DAAM2: variants seen among roughly 807,000 people sequenced by gnomAD.
The protein encoded by DAAM2 is dishevelled associated activator of morphogenesis 2.
Under a neutral mutation model 120.7 loss-of-function variants are expected in DAAM2, and 39 were observed. The observed-to-expected ratio is 0.32, with a 90% CI of 0.25 to 0.42. The LOEUF (loss-of-function observed/expected upper bound fraction) is 0.42, where lower values mean the gene tolerates loss of function less well. DAAM2 is among the 10% of genes least tolerant of loss of function. DAAM2 has a pLI of 1.00. For synonymous variants in DAAM2, 488 were observed against 524.9 expected, an observed-to-expected ratio of 0.93 and a Z score of 0.96; for missense variants, 1,283 against 1,401.7, an observed-to-expected ratio of 0.92 and a Z score of 1.35.
In DAAM2 at chr6:39,902,576, A is replaced by C. The variant is rs1562071350; in HGVS notation, c.*539A>C. The C allele has an allele frequency of 6.6e-6, 1 of 152,406 alleles. No individual in the cohort carries two copies. Among genetic ancestry groups the C allele is most frequent in the Non-Finnish European group, 1.5e-5 (1 of 68,222 alleles). 9.4% of individuals were successfully genotyped at this position (152,406 alleles called of 1,614,324 possible). A position where few individuals can be genotyped will look rare whatever the true frequency, so the allele number is the denominator to read the frequency against. On this transcript the variant is annotated 3_prime_UTR_variant, in exon 25 of 25. Coordinates refer to ENST00000274867, the MANE Select transcript of DAAM2 (RefSeq NM_001201427.2). ...AGGAGGCATTATATATTCTAGTTAG[A>C]TCAGCTCTGGTAGGTTCCAGAGAAC...
In DAAM2 at chr6:39,875,352, C is replaced by T. The variant is rs1352922639; in HGVS notation, c.1185C>T (p.Phe395=). 1 of 1,613,890 alleles carries T rather than the reference C, an allele frequency of 6.2e-7. No homozygotes were observed. The highest frequency in any genetic ancestry group is 1.3e-5 in the African/African-American group (1 of 75,042). The change falls in exon 11 of 25, where the codon TTC becomes TTT. Residue 395 remains phenylalanine, a synonymous_variant. Coordinates refer to ENST00000274867, the MANE Select transcript of DAAM2 (RefSeq NM_001201427.2). ...CAGACAAACGGAACGGTGGCTACTT[C>T]CAGCAGTGGCAGCTCCTGGACCGCA... ...QMPYKRNGGY[F]QQWQLLDRIL... is the part of the protein sequence containing the mutation.
intron 1 of DAAM2, among the ~76,000 whole-genome samples, chr6:39,848,042 G>A (rs1156657449): frequency 6.6e-6 from 1 of 152,128 alleles, no homozygotes; most frequent in Non-Finnish European, 1.5e-5. Flanking sequence ...CTGTCGTTGT[G>A]CCAGGTTCTC....
At position 39,898,393 on chromosome 6, in the gene DAAM2, G is replaced by A. The variant is rs929413163; in HGVS notation, c.2619-484G>A. Among the ~76,000 whole-genome samples the A allele has an allele frequency of 2.0e-5, 3 of 152,170 alleles. No homozygotes were observed. The South Asian group carries it at 6.2e-4, about 32-fold the overall frequency. ...CCATGCCCTACAATGGATGGTCCAA[G>A]GAAATGTGGGTGGGGCACCAACAGC... On this transcript the variant is annotated intron_variant, in intron 21 of 24. Transcript: ENST00000274867.
chr6:39,804,351 G>A (rs533337714), intron 1 of DAAM2, among the ~76,000 whole-genome samples: 1 of 152,214 alleles, frequency 6.6e-6, no homozygotes, highest in East Asian at 1.9e-4. Flanking sequence ...CAGAGTTAGC[G>A]CTCAGGGGAT....
At chr6:39,841,741 C>A (rs1463228273) in intron 1 of DAAM2, among the ~76,000 whole-genome samples, 2 of 152,016 alleles carry the variant, frequency 1.3e-5, no homozygotes, top group African/African-American at 4.8e-5. Flanking sequence ...TGAAAAAAGG[C>A]AATTTAGAAA....
At chr6:39,886,666 C>T (rs1263543557) in intron 15 of DAAM2, 1 of 389,250 alleles carries the variant, frequency 2.6e-6, no homozygotes, top group African/African-American at 2.1e-5. Flanking sequence ...GTCAATGTCT[C>T]CTGGAATGAG....
At chr6:39,883,808 G>A in intron 14 of DAAM2, 154 bp from the exon 15 acceptor site, 1 of 626,288 alleles carries the variant, frequency 1.6e-6, no homozygotes, top group South Asian at 1.9e-5. Flanking sequence ...GAGAGTTGGA[G>A]GTTGAGGGGA....
At chr6:39,855,532 C>A (rs1480073262) in intron 1 of DAAM2, among the ~76,000 whole-genome samples, 2 of 152,200 alleles carry the variant, frequency 1.3e-5, no homozygotes, top group Non-Finnish European at 2.9e-5. Context: ...AGTCCTATTT[C>A]TGTACCCAGG....
In DAAM2 at chr6:39,867,783, G is replaced by T. The variant is rs1446169943; in HGVS notation, c.702G>T (p.Lys234Asn). ...TGTGCCTCGTGCCTGGTGGCCACAA[G>T]AAGGTGCTGCAGGCCATGCTGCACT... ...GAVCLVPGGH[K>N]KVLQAMLHYQ... is the part of the protein sequence containing the mutation. The change falls in exon 6 of 25, where the codon AAG becomes AAT. Residue 234 changes from lysine (K) to asparagine (N), a missense_variant. This residue lies in a region of DAAM2 where 338 missense variants were observed against 443.9 expected (regional missense o/e 0.76). Transcript: ENST00000274867. The T allele has an allele frequency of 2.5e-6, 4 of 1,613,136 alleles. No homozygotes were observed. The Admixed American group carries it at 6.7e-5, about 27-fold the overall frequency.
chr6:39,850,858 A>G (rs1002370093), intron 1 of DAAM2, among the ~76,000 whole-genome samples: 1 of 152,158 alleles, frequency 6.6e-6, no homozygotes, highest in African/African-American at 2.4e-5. Flanking sequence ...ATAGGAGGCA[A>G]TTTGAATGTC....
intron 1 of DAAM2, among the ~76,000 whole-genome samples, chr6:39,818,202 A>C (rs1046219641): frequency 5.4e-5 from 8 of 149,064 alleles, no homozygotes; most frequent in African/African-American, 2.0e-4. Flanking sequence ...AAAAAAAAAA[A>C]AAAACTTCAC....
chr6:39,879,409 C>T lies in DAAM2; in HGVS notation c.1777C>T (p.Leu593Phe). 1 of 1,613,922 alleles carries T rather than the reference C, an allele frequency of 6.2e-7. No homozygotes were observed. Among genetic ancestry groups the T allele is most frequent in the Non-Finnish European group, 8.5e-7 (1 of 1,179,876 alleles). ...QDPYPSSDVP[L>F]RKKRVPQPSH... is the part of the protein sequence containing the mutation. The stretch of plus-strand genomic sequence containing the variant: ...CCCCTACCCCAGCAGTGACGTCCCA[C>T]TCAGGAAAAAGCGTGTCCCCCAGCC... Residue 593 changes from leucine to phenylalanine, a missense_variant, in exon 14 of 25, where the codon CTC becomes TTC. By Grantham distance (22) the Leu-to-Phe change is conservative. Around this residue, in one of 3 missense-constraint regions of DAAM2, gnomAD observed 748 missense variants for 768.6 expected, o/e 0.97. Coordinates refer to ENST00000274867, the MANE Select transcript of DAAM2 (RefSeq NM_001201427.2).
At chr6:39,808,153 G>T (rs1004201363) in intron 1 of DAAM2, among the ~76,000 whole-genome samples, 6 of 151,180 alleles carry the variant, frequency 4.0e-5, no homozygotes, top group Non-Finnish European at 8.8e-5. Flanking sequence ...AAATAGGGTC[G>T]TAGTAGTATA....
In DAAM2 at chr6:39,897,242, C is replaced by T. The variant is rs761116581; in HGVS notation, c.2578C>T (p.Pro860Ser). Residue 860 changes from proline to serine, a missense_variant, in exon 21 of 25, where the codon CCT (proline) becomes TCT (serine). By Grantham distance (74) the Pro-to-Ser change is moderately conservative. Transcript: ENST00000274867. ...EKHFPDILNMPSELQHLPEAA... is the reference protein window; with the variant it reads ...EKHFPDILNMSSELQHLPEAA... The stretch of plus-strand genomic sequence containing the variant: ...GCATTTTCCTGATATTCTAAACATG[C>T]CTTCAGAGCTGCAACATCTTCCAGA... 36 of 1,613,264 alleles carry T rather than the reference C, an allele frequency of 2.2e-5. No individual in the cohort carries two copies. The highest frequency in any genetic ancestry group is 2.9e-5 in the Non-Finnish European group (34 of 1,179,426).
chr6:39,855,857 C>A (rs1162082242), intron 1 of DAAM2, among the ~76,000 whole-genome samples: 1 of 152,178 alleles, frequency 6.6e-6, no homozygotes, highest in African/African-American at 2.4e-5. Flanking sequence ...AGTAAGTGAG[C>A]CTTGCTGGAA....
At chr6:39,832,286 C>T (rs1390167333) in intron 1 of DAAM2, among the ~76,000 whole-genome samples, 2 of 151,984 alleles carry the variant, frequency 1.3e-5, no homozygotes, top group Non-Finnish European at 2.9e-5. Context: ...AGAGGCTCCC[C>T]TTCTCCCCTC....
chr6:39,847,382 G>A (rs1488471751), intron 1 of DAAM2, among the ~76,000 whole-genome samples: 1 of 152,176 alleles, frequency 6.6e-6, no homozygotes, highest in African/African-American at 2.4e-5. Flanking sequence ...GCGCCTTTCA[G>A]TAACAGCAAC....
In DAAM2 at chr6:39,891,715, A is replaced by C; in HGVS notation, c.2334A>C (p.Lys778Asn). 1 of 1,600,656 alleles carries C rather than the reference A, an allele frequency of 6.2e-7. No individual in the cohort carries two copies. The highest frequency in any genetic ancestry group is 8.5e-7 in the Non-Finnish European group (1 of 1,173,514). Residue 778 changes from lysine to asparagine, a missense_variant, in exon 19 of 25, where the codon AAA (lysine) becomes AAC (asparagine). Physicochemically the swap from Lys to Asn is moderately conservative, Grantham distance 94. This residue lies in a region of DAAM2 where 748 missense variants were observed against 768.6 expected (regional missense o/e 0.97). Coordinates refer to ENST00000274867, the MANE Select transcript of DAAM2 (RefSeq NM_001201427.2). ...FQERLAEAKP[K>N]VEAILLASRE... is the part of the protein sequence containing the mutation. ...AGCGGCTGGCTGAGGCAAAGCCCAA[A>C]GTGGAAGGTAGGGCTGAGGGTTGCA...
chr6:39,809,637 A>G (rs143000904), intron 1 of DAAM2, among the ~76,000 whole-genome samples: 110 of 152,300 alleles, frequency 7.2e-4, no homozygotes, highest in African/African-American at 2.4e-3. Flanking sequence ...GAGAGCCACA[A>G]TGCTCAGAGA....
Sources: gnomAD v4.1 joint callset for allele counts (sites outside exome capture counted in the v4.1 genomes callset) on GRCh38, gnomAD v4.1.1 for gene constraint, gnomAD v4.1.1 regional missense constraint, MANE v1.5 for transcripts, NCBI Gene and HGNC (gene_info 2026-07-23, HGNC 2026-07-21) for gene names.